ZNF385D: variants seen among roughly 807,000 people sequenced by gnomAD.
ZNF385D encodes zinc finger protein 659.
A neutral mutation model predicts 35.8 loss-of-function variants in ZNF385D; 15 were observed. The ratio of observed to expected loss-of-function variants is 0.42; its 90% CI spans 0.28 to 0.64. The LOEUF is 0.64. Ranked by LOEUF, ZNF385D falls within the 30% of genes least tolerant of loss-of-function variation. The probability of loss-of-function intolerance (pLI) is 0.23; values close to 1 mark genes in which losing one functional copy is unlikely to be tolerated. For synonymous variants in ZNF385D, 212 were observed against 186.8 expected, an observed-to-expected ratio of 1.13 and a Z score of -1.10; for missense variants, 474 against 494.6, an observed-to-expected ratio of 0.96 and a Z score of 0.39.
chr3:21,696,513 C>A (rs2067476530), intron 1 of ZNF385D, among the ~76,000 whole-genome samples: 1 of 152,122 alleles, frequency 6.6e-6, no homozygotes, highest in African/African-American at 2.4e-5. Flanking sequence ...ATGAGTGAAA[C>A]CCAGGCAGTA....
At chr3:21,726,631 C>A (rs1355681556) in intron 1 of ZNF385D, among the ~76,000 whole-genome samples, 1 of 152,092 alleles carries the variant, frequency 6.6e-6, no homozygotes, top group Non-Finnish European at 1.5e-5. Context: ...TACGAAGGAC[C>A]TCTTCAAGAA....
intron 3 of ZNF385D, among the ~76,000 whole-genome samples, chr3:22,142,509 T>C (rs747107344): frequency 8.5e-5 from 13 of 152,200 alleles, no homozygotes; most frequent in Non-Finnish European, 1.6e-4. Context: ...AATTTGTTTG[T>C]ATACATATTT....
At chr3:22,200,874 C>A (rs1215191815) in intron 2 of ZNF385D, among the ~76,000 whole-genome samples, 1 of 152,148 alleles carries the variant, frequency 6.6e-6, no homozygotes, top group Non-Finnish European at 1.5e-5. Context: ...TTCCACCTGG[C>A]TCACCAGCGG....
intron 3 of ZNF385D, among the ~76,000 whole-genome samples, chr3:21,890,006 T>C (rs1195008177): frequency 6.6e-6 from 1 of 152,136 alleles, no homozygotes; most frequent in Non-Finnish European, 1.5e-5. Flanking sequence ...CTAGTCATAT[T>C]AGATGAGCCC....
chr3:22,237,786 G>A (rs995248384), intron 2 of ZNF385D, among the ~76,000 whole-genome samples: 12 of 152,018 alleles, frequency 7.9e-5, no homozygotes, highest in East Asian at 7.7e-4. Flanking sequence ...TGGGACTACA[G>A]GTGCACACCA....
At chr3:22,131,761 T>C (rs138398617) in intron 3 of ZNF385D, among the ~76,000 whole-genome samples, 46 of 152,252 alleles carry the variant, frequency 3.0e-4, no homozygotes, top group African/African-American at 1.0e-3. Flanking sequence ...GCTTCTACTT[T>C]TATAGTCAGA....
At chr3:21,485,887 C>G (rs1005585268) in intron 4 of ZNF385D, among the ~76,000 whole-genome samples, 1 of 151,690 alleles carries the variant, frequency 6.6e-6, no homozygotes. Flanking sequence ...AAAAAAAACC[C>G]TTTATCTGAA....
intron 1 of ZNF385D, among the ~76,000 whole-genome samples, chr3:21,704,469 T>C (rs568164613): frequency 2.0e-5 from 3 of 152,268 alleles, no homozygotes; most frequent in African/African-American, 7.2e-5. Flanking sequence ...TGTTATTTCA[T>C]AGCCTTTACC....
chr3:22,344,513 CTGAG>C (rs1485894301), intron 2 of ZNF385D, among the ~76,000 whole-genome samples: 2 of 152,126 alleles, frequency 1.3e-5, no homozygotes, highest in Admixed American at 6.5e-5. Context: ...CCTCAGCCTC[CTGAG>C]TATCTAGGAC....
chr3:21,510,758 A>G, intron 4 of ZNF385D, 103 bp downstream of exon 4: 2 of 1,438,160 alleles, frequency 1.4e-6, no homozygotes, highest in African/African-American at 1.4e-5. Flanking sequence ...TCAAGCATGA[A>G]TCAATATGGC....
intron 3 of ZNF385D, among the ~76,000 whole-genome samples, chr3:21,547,783 A>ATT (rs2062428447): frequency 6.6e-6 from 1 of 151,644 alleles, no homozygotes; most frequent in African/African-American, 2.4e-5. Context: ...TGCCCGGCTA[A>ATT]TTTTTGTATT....
chr3:22,084,788 A>G (rs547028953), intron 3 of ZNF385D, among the ~76,000 whole-genome samples: 6 of 152,306 alleles, frequency 3.9e-5, no homozygotes, highest in Non-Finnish European at 5.9e-5. Flanking sequence ...TCTCAGCACC[A>G]CATCACAGTT....
chr3:21,635,653 C>A (rs2065408098), intron 2 of ZNF385D, among the ~76,000 whole-genome samples: 1 of 152,000 alleles, frequency 6.6e-6, no homozygotes, highest in Admixed American at 6.6e-5. Context: ...TTGTTGCATG[C>A]ATCACCTGAG....
intron 2 of ZNF385D, among the ~76,000 whole-genome samples, chr3:21,574,318 A>G (rs2063428989): frequency 6.6e-6 from 1 of 152,082 alleles, no homozygotes; most frequent in Admixed American, 6.6e-5. Flanking sequence ...AAAGTCCGCA[A>G]ATTCCTAACT....
chr3:22,081,584 G>T (rs542640708), intron 3 of ZNF385D, among the ~76,000 whole-genome samples: 3 of 152,150 alleles, frequency 2.0e-5, no homozygotes, highest in Admixed American at 6.6e-5. Context: ...AGATAGACTG[G>T]TGTTTTAGAT....
intron 3 of ZNF385D, among the ~76,000 whole-genome samples, chr3:21,868,699 C>A (rs537530371): frequency 1.3e-5 from 2 of 152,158 alleles, no homozygotes; most frequent in East Asian, 1.9e-4. Flanking sequence ...ACATGTAAAG[C>A]GTATTAGTTC....
In ZNF385D at chr3:21,931,863, T is replaced by G. The variant is rs187625289; in HGVS notation, c.325+236954A>C. 2.5e-3 allele frequency among the ~76,000 whole-genome samples: 386 copies of G among 152,148 alleles called. 2 individuals are homozygous for G. The highest frequency in any genetic ancestry group is 8.8e-3 in the African/African-American group (366 of 41,526). ...GTAAATTTCAACTCAATAATGGTGTTAAGAAGTGTGACTTGAGGCCGGGCG... is the reference window on the plus strand; with the variant it reads ...GTAAATTTCAACTCAATAATGGTGTGAAGAAGTGTGACTTGAGGCCGGGCG... On this transcript the variant is annotated intron_variant, in intron 3 of 5. Transcript: ENST00000494108.
intron 3 of ZNF385D, among the ~76,000 whole-genome samples, chr3:21,883,725 G>A (rs188516585): frequency 1.3e-5 from 2 of 152,036 alleles, no homozygotes; most frequent in Admixed American, 6.6e-5. Context: ...TTTCATTTTT[G>A]TTACATTCCA....
chr3:21,961,614 A>G (rs570392108), intron 3 of ZNF385D: 1 of 152,296 alleles, frequency 6.6e-6, no homozygotes, highest in African/African-American at 2.4e-5. Flanking sequence ...TAAAATGTCT[A>G]AAGTAGGGCT....
Sources: gnomAD v4.1 joint callset for allele counts (sites outside exome capture counted in the v4.1 genomes callset) on GRCh38, gnomAD v4.1.1 for gene constraint, MANE v1.5 for transcripts, NCBI Gene and HGNC (gene_info 2026-07-23, HGNC 2026-07-21) for gene names.